Variants in CFAP299 observed in about 807,000 individuals in gnomAD.
CFAP299 encodes cilia- and flagella-associated protein 299.
CFAP299 carries 21 observed loss-of-function variants against 27.0 expected under a neutral mutation model. The observed-to-expected ratio is 0.78, with a 90% CI of 0.55 to 1.12. CFAP299 has a LOEUF of 1.12. CFAP299 is among the 50% of genes most tolerant of loss of function. The pLI, the probability that CFAP299 is intolerant of heterozygous loss-of-function variation, is 0.00. For missense variants in CFAP299, 310 were observed against 276.6 expected (o/e 1.12, Z -0.86); for synonymous variants, 104 against 98.1 (o/e 1.06, Z -0.36).
At chr4:80,907,291 C>G (rs1735230370) in intron 4 of CFAP299, among the ~76,000 whole-genome samples, 1 of 152,208 alleles carries the variant, frequency 6.6e-6, no homozygotes, top group Non-Finnish European at 1.5e-5. Context: ...AACCATTCAA[C>G]AAGTCTCCAG....
At chr4:80,960,667 G>T (rs1738300036) in intron 5 of CFAP299, among the ~76,000 whole-genome samples, 1 of 151,826 alleles carries the variant, frequency 6.6e-6, no homozygotes, top group African/African-American at 2.4e-5. Context: ...AGTGGTGTCA[G>T]TCTGTCCCTA....
At position 80,804,069 on chromosome 4, in the gene CFAP299, G is replaced by A. The variant is rs571875700; in HGVS notation, c.334-65924G>A. 1.1e-4 allele frequency among the ~76,000 whole-genome samples: 16 copies of A among 152,172 alleles called. No homozygotes were observed. In the East Asian group the frequency reaches 3.1e-3, roughly 29 times the overall value. On this transcript the variant is annotated intron_variant, in intron 3 of 5. Coordinates refer to ENST00000358105, the MANE Select transcript of CFAP299 (RefSeq NM_152770.3). ...AGTTGTAATCCCATTCAAGAAGGAG[G>A]TGGAGGCGCTGTCATGACCTAAGCA...
intron 2 of CFAP299, chr4:80,388,631 G>T: frequency 3.6e-6 from 5 of 1,386,146 alleles, no homozygotes; most frequent in Non-Finnish European, 5.1e-6. Context: ...ATCAGGGACT[G>T]CTCCTTGGCC....
chr4:80,562,623 A>C (rs1386204936), intron 2 of CFAP299, among the ~76,000 whole-genome samples: 1 of 150,590 alleles, frequency 6.6e-6, no homozygotes, highest in East Asian at 2.0e-4. Flanking sequence ...ATGCCACTAC[A>C]CTCCAGCCTA....
intron 1 of CFAP299, among the ~76,000 whole-genome samples, chr4:80,356,127 T>A (rs1012113242): frequency 1.3e-5 from 2 of 152,126 alleles, no homozygotes; most frequent in African/African-American, 2.4e-5. Context: ...TTTGTCAGAT[T>A]TATCAAAGAT....
At chr4:80,424,104 T>A (rs923692867) in intron 2 of CFAP299, among the ~76,000 whole-genome samples, 5 of 152,218 alleles carry the variant, frequency 3.3e-5, no homozygotes, top group Non-Finnish European at 7.3e-5. Flanking sequence ...GTCCTCCTGA[T>A]CAGTCTTAAG....
chr4:80,501,725 C>G (rs985899408), intron 2 of CFAP299, among the ~76,000 whole-genome samples: 2 of 151,476 alleles, frequency 1.3e-5, no homozygotes, highest in Admixed American at 1.3e-4. Flanking sequence ...CTACAGTATT[C>G]AAAGATGTCA....
intron 3 of CFAP299, among the ~76,000 whole-genome samples, chr4:80,792,289 G>T (rs1445174248): frequency 2.0e-5 from 3 of 152,054 alleles, no homozygotes; most frequent in Non-Finnish European, 4.4e-5. Context: ...GCAGACTTTT[G>T]AAGTAAATTA....
chr4:80,426,087 AAGAC>A (rs1426637687), intron 2 of CFAP299, among the ~76,000 whole-genome samples: 1 of 152,050 alleles, frequency 6.6e-6, no homozygotes, highest in Non-Finnish European at 1.5e-5. Context: ...TTGACCACCA[AAGAC>A]AGCCTAATAG....
intron 3 of CFAP299, among the ~76,000 whole-genome samples, chr4:80,726,968 T>A (rs1184655178): frequency 6.6e-6 from 1 of 151,918 alleles, no homozygotes; most frequent in African/African-American, 2.4e-5. Context: ...AGAAAAAAAA[T>A]CTTCTTAAGA....
intron 4 of CFAP299, among the ~76,000 whole-genome samples, chr4:80,881,449 G>A (rs559599495): frequency 6.6e-6 from 1 of 152,178 alleles, no homozygotes. Context: ...TCGTCTTATA[G>A]CTGGCACTGC....
At chr4:80,668,474 A>C (rs768404782) in intron 3 of CFAP299, among the ~76,000 whole-genome samples, 11 of 152,100 alleles carry the variant, frequency 7.2e-5, no homozygotes, top group Admixed American at 1.3e-4. Flanking sequence ...ATTTTGATTT[A>C]ATTTTTGTGT....
intron 3 of CFAP299, among the ~76,000 whole-genome samples, chr4:80,803,077 C>T (rs1023644438): frequency 1.3e-5 from 2 of 152,048 alleles, no homozygotes; most frequent in African/African-American, 4.8e-5. Flanking sequence ...TTCCAATTCA[C>T]ATATCTCATC....
At chr4:80,539,864 A>G (rs1202176779) in intron 2 of CFAP299, among the ~76,000 whole-genome samples, 3 of 152,296 alleles carry the variant, frequency 2.0e-5, no homozygotes, top group African/African-American at 4.8e-5. Context: ...TGAATAATCA[A>G]TGCATTTGCA....
intron 3 of CFAP299, among the ~76,000 whole-genome samples, chr4:80,710,495 TTTTTTA>T (rs1722087561): frequency 1.8e-5 from 2 of 110,770 alleles, no homozygotes; most frequent in East Asian, 3.0e-4. Flanking sequence ...TTTTTTTTTT[TTTTTTA>T]AAAAAAAAAA....
At chr4:80,662,167 A>G (rs1204774388) in intron 3 of CFAP299, among the ~76,000 whole-genome samples, 1 of 152,126 alleles carries the variant, frequency 6.6e-6, no homozygotes, top group Non-Finnish European at 1.5e-5. Context: ...CTTGTGAAGC[A>G]TGTGATCTCT....
At position 80,799,447 on chromosome 4, in the gene CFAP299, A is replaced by C. The variant is rs1478932028; in HGVS notation, c.334-70546A>C. Among the ~76,000 whole-genome samples, 73 of 91,308 alleles carry C rather than the reference A, an allele frequency of 8.0e-4. 1 individual carries two copies. Among genetic ancestry groups the C allele is most frequent in the African/African-American group, 3.0e-3 (66 of 21,768 alleles). The allele number at this position is 91,308 out of a possible 152,430, so 59.9% of individuals were successfully genotyped here. On this transcript the variant is annotated intron_variant, in intron 3 of 5. Coordinates refer to ENST00000358105, the MANE Select transcript of CFAP299 (RefSeq NM_152770.3). ...ATTTATAATATATATAATATTTATA[A>C]AATATATATAATATATTTTATAAAT...
At chr4:80,505,401 G>T (rs1731973549) in intron 2 of CFAP299, among the ~76,000 whole-genome samples, 1 of 148,300 alleles carries the variant, frequency 6.7e-6, no homozygotes, top group South Asian at 2.2e-4. Context: ...ATAGGAAATG[G>T]TGTCTTATTA....
At chr4:80,472,805 C>G (rs566242289) in intron 2 of CFAP299, among the ~76,000 whole-genome samples, 2 of 152,258 alleles carry the variant, frequency 1.3e-5, no homozygotes, top group East Asian at 3.9e-4. Context: ...CCATGTTCCA[C>G]GGGACGGGGG....
Sources: allele counts gnomAD v4.1 joint callset (sites outside exome capture counted in the v4.1 genomes callset), GRCh38; gene constraint gnomAD v4.1.1; transcripts MANE v1.5; gene names NCBI Gene and HGNC (gene_info 2026-07-23, HGNC 2026-07-21).